Variants in GTF3C4 observed in about 807,000 individuals in gnomAD.
GTF3C4 encodes general transcription factor 3C polypeptide 4.
GTF3C4 carries 28 observed loss-of-function variants against 67.5 expected under a neutral mutation model. The ratio of observed to expected loss-of-function variants is 0.41; its 90% CI spans 0.31 to 0.57. The LOEUF (loss-of-function observed/expected upper bound fraction) is 0.57, where lower values mean the gene tolerates loss of function less well. Among genes scored for constraint, GTF3C4 ranks in the 20% least tolerant of loss-of-function variants. GTF3C4 has a pLI of 0.21. For synonymous variants in GTF3C4, 409 were observed against 393.0 expected (o/e 1.04, Z -0.48); for missense variants, 831 against 1,033.2 (o/e 0.80, Z 2.68).
intron 1 of GTF3C4, among the ~76,000 whole-genome samples, chr9:132,671,994 T>A (rs992757433): frequency 6.6e-6 from 1 of 152,216 alleles, no homozygotes; most frequent in African/African-American, 2.4e-5. Flanking sequence ...AGGGTGCAGA[T>A]AACCCTCATC....
At position 132,690,429 on chromosome 9, in the gene GTF3C4, G is replaced by C. The variant is rs1209573982; in HGVS notation, c.*1484G>C. On this transcript the variant is annotated 3_prime_UTR_variant, in exon 5 of 5. Coordinates refer to ENST00000372146, the MANE Select transcript of GTF3C4 (RefSeq NM_012204.4). ...ACTGCACTTCAGCCTGGGCAAGACT[G>C]GAGACTGCCTCAAAAAAAAAAGAAA... The C allele has an allele frequency of 7.1e-6, 1 of 140,118 alleles. No homozygotes were observed. The highest frequency in any genetic ancestry group is 1.5e-5 in the Non-Finnish European group (1 of 65,802). 8.7% of individuals were successfully genotyped at this position (140,118 alleles called of 1,614,324 possible).
At chr9:132,681,470 C>G (rs1219222276) in intron 2 of GTF3C4, among the ~76,000 whole-genome samples, 2 of 152,112 alleles carry the variant, frequency 1.3e-5, no homozygotes, top group Non-Finnish European at 2.9e-5. Flanking sequence ...AGGATGTTGG[C>G]TTATTAGCAG....
chr9:132,677,030 A>AT (rs1286280247), intron 1 of GTF3C4, among the ~76,000 whole-genome samples: 2 of 151,774 alleles, frequency 1.3e-5, no homozygotes, highest in African/African-American at 4.8e-5. Context: ...TAGCTTTCCT[A>AT]TTTTTTTATG....
At chr9:132,687,003 G>A (rs1474924564) in intron 3 of GTF3C4, among the ~76,000 whole-genome samples, 2 of 152,206 alleles carry the variant, frequency 1.3e-5, no homozygotes, top group East Asian at 3.8e-4. Context: ...TGCTCAAACA[G>A]GAAAACTGCA....
At chr9:132,681,040 G>A (rs184627401) in intron 2 of GTF3C4, among the ~76,000 whole-genome samples, 242 of 152,230 alleles carry the variant, frequency 1.6e-3, no homozygotes, top group African/African-American at 4.7e-3. Flanking sequence ...CCTGGGAGGC[G>A]AAAGTTGCAG....
chr9:132,671,500 A>G (rs1331703283), intron 1 of GTF3C4, among the ~76,000 whole-genome samples: 3 of 152,314 alleles, frequency 2.0e-5, no homozygotes, highest in East Asian at 1.9e-4. Flanking sequence ...TCCTTGGGCA[A>G]ACGGGTAAAT....
Position 132,691,168 on chromosome 9 carries a change from C to T in GTF3C4, c.*2223C>T, listed in dbSNP as rs1480369617. ...CCCAGTTGGAAGGCCTTTCCCTGCC[C>T]TTGTCCCTGTCTCACACCCATGGAG... On this transcript the variant is annotated 3_prime_UTR_variant, in exon 5 of 5. Transcript: ENST00000372146. 1 of 152,238 alleles carries T rather than the reference C, an allele frequency of 6.6e-6. No individual in the cohort carries two copies. The highest frequency in any genetic ancestry group is 1.5e-5 in the Non-Finnish European group (1 of 68,088). 9.4% of individuals were successfully genotyped at this position (152,238 alleles called of 1,614,324 possible). A position where few individuals can be genotyped will look rare whatever the true frequency, so the allele number is the denominator to read the frequency against.
Position 132,678,614 on chromosome 9 carries a change from T to C in GTF3C4, c.995T>C (p.Ile332Thr). 2 of 1,614,148 alleles carry C rather than the reference T, an allele frequency of 1.2e-6. No homozygotes were observed. The highest frequency in any genetic ancestry group is 1.7e-5 in the Admixed American group (1 of 60,014). Residue 332 changes from isoleucine (I) to threonine (T), a missense_variant, in exon 2 of 5, where the codon ATT becomes ACT. Ile to Thr is a moderately conservative substitution (Grantham distance 89). Transcript: ENST00000372146. This position sits in a 1 kb window ranked among gnomAD's most constrained non-coding sequence, Gnocchi z 6.5. ...AATAATCGAAAAATGAGTGGCCTTA[T>C]TGTGGGGAGTGCTTTTGGACCCATA... ...EHNNRKMSGL[I>T]VGSAFGPIKI...
Position 132,685,483 on chromosome 9 carries a change from G to GT in GTF3C4, c.2316-1748dup, listed in dbSNP as rs543973999. 3.0e-4 allele frequency among the ~76,000 whole-genome samples: 45 copies of GT among 149,264 alleles called. 1 individual carries two copies. The highest frequency in any genetic ancestry group is 2.8e-3 in the South Asian group (13 of 4,692). ...ATAATTTACCCCCTTATTATAATTT[G>GT]TTTTTTTTCCAATTTGTATTGCATT... On this transcript the variant is annotated intron_variant, in intron 3 of 4. Coordinates refer to ENST00000372146, the MANE Select transcript of GTF3C4 (RefSeq NM_012204.4).
chr9:132,688,794 G>C, intron 4 of GTF3C4, 87 bp from the exon 5 acceptor site: 1 of 942,368 alleles, frequency 1.1e-6, no homozygotes, highest in Non-Finnish European at 1.8e-6. Flanking sequence ...CAGAATGCCC[G>C]TCTCTCAACG....
At chr9:132,672,560 T>C (rs1249260259) in intron 1 of GTF3C4, among the ~76,000 whole-genome samples, 2 of 152,322 alleles carry the variant, frequency 1.3e-5, no homozygotes, top group African/African-American at 2.4e-5. Flanking sequence ...GTAGGTCTTC[T>C]AGAGAGTCCG....
At chr9:132,681,510 A>G (rs1465431410) in intron 2 of GTF3C4, among the ~76,000 whole-genome samples, 1 of 152,198 alleles carries the variant, frequency 6.6e-6, no homozygotes, top group African/African-American at 2.4e-5. Context: ...TTATCAGCCT[A>G]GTATGCTAGT....
In GTF3C4 at chr9:132,679,106, G is replaced by A. The variant is rs1195102253; in HGVS notation, c.1487G>A (p.Gly496Asp). The change falls in exon 2 of 5, where the codon GGC (glycine) becomes GAC (aspartate). Residue 496 changes from glycine (G) to aspartate (D), a missense_variant. By Grantham distance (94) the Gly-to-Asp change is moderately conservative. Around this residue, in one of 4 missense-constraint regions of GTF3C4, gnomAD observed 390 missense variants for 540.3 expected, o/e 0.72. Transcript: ENST00000372146. This position sits in a 1 kb window ranked among gnomAD's most constrained non-coding sequence, Gnocchi z 5.9. ...TACCTGGCCATCATCACCACTGAGG[G>A]CATGATCAACGGCCTCCACCCTGTT... Reference protein sequence around the residue: ...GAYLAIITTEGMINGLHPVNK... With the variant: ...GAYLAIITTEDMINGLHPVNK... 1 of 1,614,172 alleles carries A rather than the reference G, an allele frequency of 6.2e-7. No individual in the cohort carries two copies. The highest frequency in any genetic ancestry group is 2.2e-5 in the East Asian group (1 of 44,890).
rs948310457 is a variant in GTF3C4, at chr9:132,670,664, G to A, written c.66G>A (p.Glu22=). ...ADDGPAPSGE[E]EGEGGGEAGG... Reference sequence around the variant, plus strand: ...ACGGGCCTGCGCCGTCTGGGGAGGAGGAGGGAGAGGGGGGCGGCGAGGCGG... The same window carrying A: ...ACGGGCCTGCGCCGTCTGGGGAGGAAGAGGGAGAGGGGGGCGGCGAGGCGG... Residue 22 remains glutamate (E), a synonymous_variant, in exon 1 of 5, where the codon GAG becomes GAA. Transcript: ENST00000372146. 2.0e-5 allele frequency: 30 copies of A among 1,502,008 alleles called. No individual in the cohort carries two copies. Among genetic ancestry groups the A allele is most frequent in the Non-Finnish European group, 2.6e-5 (30 of 1,134,270 alleles). The allele number at this position is 1,502,008 out of a possible 1,614,324, so 93.0% of individuals were successfully genotyped here.
intron 3 of GTF3C4, among the ~76,000 whole-genome samples, chr9:132,683,996 G>T (rs765236480): frequency 6.6e-6 from 1 of 152,132 alleles, no homozygotes; most frequent in Non-Finnish European, 1.5e-5. Context: ...ACCTTGGTGT[G>T]TCCTCATGTT....
At chr9:132,673,414 G>GT (rs1030314514) in intron 1 of GTF3C4, among the ~76,000 whole-genome samples, 1 of 115,210 alleles carries the variant, frequency 8.7e-6, no homozygotes, top group African/African-American at 3.9e-5. Flanking sequence ...CTTCTGTACT[G>GT]TTGTTTTTTT....
Position 132,694,702 on chromosome 9 carries a change from C to T in GTF3C4, c.*5757C>T, listed in dbSNP as rs1248392827. 6.6e-6 allele frequency: 1 copy of T among 152,136 alleles called. No individual in the cohort carries two copies. Among genetic ancestry groups the T allele is most frequent in the Non-Finnish European group, 1.5e-5 (1 of 68,030 alleles). The allele number at this position is 152,136 out of a possible 1,614,324, so 9.4% of individuals were successfully genotyped here. A position where few individuals can be genotyped will look rare whatever the true frequency, so the allele number is the denominator to read the frequency against. On this transcript the variant is annotated 3_prime_UTR_variant, in exon 5 of 5. Transcript: ENST00000372146. ...GAACCTCTGTTTCTTTACCAAGTCG[C>T]TGGTTGGCCATTTCTCCAATTGATG...
intron 3 of GTF3C4, among the ~76,000 whole-genome samples, chr9:132,685,420 C>T (rs972002254): frequency 2.6e-5 from 4 of 152,106 alleles, no homozygotes; most frequent in African/African-American, 9.7e-5. Context: ...AGATAACATT[C>T]TTAATGGCTA....
At chr9:132,670,114 CAA>C (rs757122346), upstream of GTF3C4, 16 of 1,578,116 alleles carry the variant, frequency 1.0e-5, 1 homozygote, top group Non-Finnish European at 1.4e-5. Flanking sequence ...CGGGTAGGGA[CAA>C]GACTACCGCG....
Sources: gnomAD v4.1 joint callset for allele counts (sites outside exome capture counted in the v4.1 genomes callset) on GRCh38, gnomAD v4.1.1 for gene constraint, gnomAD v4.1.1 regional missense constraint, Gnocchi (gnomAD v3.1) non-coding constraint, MANE v1.5 for transcripts, NCBI Gene and HGNC (gene_info 2026-07-23, HGNC 2026-07-21) for gene names.